Variants in SH3GL3 observed in about 807,000 individuals in gnomAD.
The protein encoded by SH3GL3 is endophilin-A3.
In SH3GL3, 33 loss-of-function variants were observed where a neutral mutation model predicts 47.7. The ratio of observed to expected loss-of-function variants is 0.69; its 90% CI spans 0.52 to 0.92. SH3GL3 has a LOEUF of 0.92. Ranked by LOEUF, SH3GL3 falls within the 40% of genes least tolerant of loss-of-function variation. The pLI is 0.00. For synonymous variants in SH3GL3, 155 were observed against 148.8 expected (o/e 1.04, Z -0.30); for missense variants, 363 against 417.8 (o/e 0.87, Z 1.14).
the SH3GL3 span, among the ~76,000 whole-genome samples, chr15:83,633,543 T>A: frequency 6.6e-6 from 1 of 152,172 alleles, no homozygotes; most frequent in Non-Finnish European, 1.5e-5. Flanking sequence ...ATGCCCGCTA[T>A]GAAACTCTCT....
intron 1 of SH3GL3, among the ~76,000 whole-genome samples, chr15:83,473,051 A>C (rs2040902939): frequency 6.6e-6 from 1 of 152,146 alleles, no homozygotes; most frequent in Admixed American, 6.5e-5. Flanking sequence ...ACTGCTCTGC[A>C]CTTGGCCTCA....
At chr15:83,587,157 C>A in intron 7 of SH3GL3, 71 bp downstream of exon 7, 1 of 708,864 alleles carries the variant, frequency 1.4e-6, no homozygotes, top group Non-Finnish European at 2.4e-6. Flanking sequence ...ATCTGTCTGT[C>A]TCTCCATCTC....
chr15:83,620,523 A>G (rs1310472136), downstream of SH3GL3, among the ~76,000 whole-genome samples: 1 of 152,264 alleles, frequency 6.6e-6, no homozygotes, highest in East Asian at 1.9e-4. Flanking sequence ...GAGCTCCTGG[A>G]TGACAAGGTG....
intron 1 of SH3GL3, among the ~76,000 whole-genome samples, chr15:83,483,210 G>A (rs1422446582): frequency 6.6e-6 from 1 of 152,196 alleles, no homozygotes; most frequent in Non-Finnish European, 1.5e-5. Flanking sequence ...GACAGGGTGA[G>A]AAGGGAGAGC....
chr15:83,632,257 C>T, the SH3GL3 span, among the ~76,000 whole-genome samples: 3 of 152,202 alleles, frequency 2.0e-5, no homozygotes, highest in Non-Finnish European at 4.4e-5. Flanking sequence ...TCTTCTGAGC[C>T]CTCCAAACTG....
chr15:83,535,899 A>G (rs2151687907), intron 1 of SH3GL3, among the ~76,000 whole-genome samples: 1 of 152,348 alleles, frequency 6.6e-6, no homozygotes, highest in South Asian at 2.1e-4. Flanking sequence ...GCAAAAAAAT[A>G]CAAATATATA....
intron 1 of SH3GL3, among the ~76,000 whole-genome samples, chr15:83,450,084 C>G (rs2039663212): frequency 6.6e-6 from 1 of 152,106 alleles, no homozygotes; most frequent in South Asian, 2.1e-4. Context: ...AGCCACTGAC[C>G]AGCTCTGTAA....
At chr15:83,554,207 G>C (rs542368088) in intron 1 of SH3GL3, among the ~76,000 whole-genome samples, 216 of 150,908 alleles carry the variant, frequency 1.4e-3, no homozygotes, top group Non-Finnish European at 2.5e-3. Context: ...TTTTTTTTGA[G>C]ACGGAATTTC....
In SH3GL3 at chr15:83,475,336, G is replaced by A. The variant is rs573930905; in HGVS notation, c.45+27758G>A. On this transcript the variant is annotated intron_variant, in intron 1 of 8. Transcript: ENST00000427482. Reference sequence around the variant, plus strand: ...CTACTAAAAATATAAAAAATTAACCGGGCGGGGTGTTGCGTGCCTGTAATC... The same window carrying A: ...CTACTAAAAATATAAAAAATTAACCAGGCGGGGTGTTGCGTGCCTGTAATC... Among the ~76,000 whole-genome samples the A allele has an allele frequency of 9.9e-5, 15 of 151,806 alleles. No individual in the cohort carries two copies. In the South Asian group the frequency reaches 2.5e-3, roughly 25 times the overall value.
chr15:83,555,631 T>C (rs1801405697), intron 1 of SH3GL3, among the ~76,000 whole-genome samples: 1 of 152,208 alleles, frequency 6.6e-6, no homozygotes, highest in South Asian at 2.1e-4. Flanking sequence ...TTCAGTCTCC[T>C]TGGGCCTGCA....
At chr15:83,546,416 CTTTCA>C (rs548631998) in intron 1 of SH3GL3, among the ~76,000 whole-genome samples, 1 of 151,170 alleles carries the variant, frequency 6.6e-6, no homozygotes, top group South Asian at 2.1e-4. Context: ...TGGGTCTCTC[CTTTCA>C]ATGCAGTGGG....
chr15:83,555,436 C>A (rs1008238719), intron 1 of SH3GL3, among the ~76,000 whole-genome samples: 8 of 152,030 alleles, frequency 5.3e-5, no homozygotes, highest in Admixed American at 6.6e-5. Context: ...GAATTTAGAT[C>A]TAGGATGAAT....
At chr15:83,534,953 G>A (rs1032465054) in intron 1 of SH3GL3, among the ~76,000 whole-genome samples, 2 of 152,016 alleles carry the variant, frequency 1.3e-5, no homozygotes, top group African/African-American at 4.8e-5. Flanking sequence ...GGAAAAAGGT[G>A]GAAAGAATTG....
intron 1 of SH3GL3, among the ~76,000 whole-genome samples, chr15:83,488,849 C>T (rs988423385): frequency 2.0e-5 from 3 of 152,208 alleles, no homozygotes; most frequent in African/African-American, 7.2e-5. Context: ...TTTTATTTTT[C>T]ATAACTCTTG....
At chr15:83,567,829 C>T (rs1429093554) in intron 3 of SH3GL3, among the ~76,000 whole-genome samples, 2 of 152,146 alleles carry the variant, frequency 1.3e-5, no homozygotes, top group Non-Finnish European at 2.9e-5. Context: ...ATGTCAGTGT[C>T]ACACAGGTGT....
intron 8 of SH3GL3, among the ~76,000 whole-genome samples, chr15:83,611,051 T>G (rs8037453): frequency 0.18 from 26,632 of 150,964 alleles, 3,799 homozygotes; most frequent in African/African-American, 0.39. Context: ...TATATATATA[T>G]AGAGACAAAA....
At chr15:83,602,529 C>G (rs1256025657) in intron 8 of SH3GL3, among the ~76,000 whole-genome samples, 1 of 152,158 alleles carries the variant, frequency 6.6e-6, no homozygotes, top group Non-Finnish European at 1.5e-5. Context: ...CTACTCATGA[C>G]CTAATTACCC....
At chr15:83,481,244 C>T (rs2041340557) in intron 1 of SH3GL3, among the ~76,000 whole-genome samples, 1 of 148,378 alleles carries the variant, frequency 6.7e-6, no homozygotes, top group Non-Finnish European at 1.5e-5. Flanking sequence ...CACTGCACTC[C>T]AGCCTGGGGG....
intron 6 of SH3GL3, among the ~76,000 whole-genome samples, chr15:83,577,629 C>A (rs1409819192): frequency 1.3e-5 from 2 of 151,788 alleles, no homozygotes; most frequent in African/African-American, 2.4e-5. Flanking sequence ...TGGGCTCAAG[C>A]CACCTACCCG....
Sources: gnomAD v4.1 joint callset for allele counts (sites outside exome capture counted in the v4.1 genomes callset) on GRCh38, gnomAD v4.1.1 for gene constraint, MANE v1.5 for transcripts, NCBI Gene and HGNC (gene_info 2026-07-23, HGNC 2026-07-21) for gene names.